Variants in NCALD observed in about 807,000 individuals in gnomAD.
NCALD encodes neurocalcin delta, also known as neurocalcin-delta.
In NCALD, 10 loss-of-function variants were observed where a neutral mutation model predicts 18.6. The ratio of observed to expected loss-of-function variants is 0.54; its 90% CI spans 0.33 to 0.91. The LOEUF (loss-of-function observed/expected upper bound fraction) is 0.91, where lower values mean the gene tolerates loss of function less well. Ranked by LOEUF, NCALD falls within the 40% of genes least tolerant of loss-of-function variation. The pLI is 0.03. For synonymous variants in NCALD, 88 were observed against 87.4 expected, an observed-to-expected ratio of 1.01 and a Z score of -0.04; for missense variants, 184 against 247.6, an observed-to-expected ratio of 0.74 and a Z score of 1.72.
chr8:102,099,896 C>A lies in NCALD; in HGVS notation c.-210+24341G>T, dbSNP rs1248545207. On this transcript the variant is annotated intron_variant, in intron 1 of 6. Coordinates refer to the NCALD transcript ENST00000311028. The stretch of plus-strand genomic sequence containing the variant: ...CTGAGACAGGAGAATCACTTGAACC[C>A]GGGAGACAGAGGTTGCAGTGAGCTG... 2.6e-5 allele frequency among the ~76,000 whole-genome samples: 4 copies of A among 151,306 alleles called. 1 individual carries two copies. The highest frequency in any genetic ancestry group is 2.6e-4 in the Admixed American group (4 of 15,196).
At chr8:101,708,652 T>C (rs1181918869) in intron 2 of NCALD, among the ~76,000 whole-genome samples, 1 of 151,646 alleles carries the variant, frequency 6.6e-6, no homozygotes, top group Non-Finnish European at 1.5e-5. Flanking sequence ...TTAGCTGCAA[T>C]CCACAAATCC....
At chr8:101,807,486 T>C (rs971080910) in intron 4 of NCALD, among the ~76,000 whole-genome samples, 2 of 152,096 alleles carry the variant, frequency 1.3e-5, no homozygotes, top group African/African-American at 2.4e-5. Flanking sequence ...TGCAGAAACA[T>C]AGACCAGAAA....
At chr8:102,124,306 C>T in exon 1 of NCALD, 1 of 151,676 alleles carries the variant, frequency 6.6e-6, no homozygotes, top group East Asian at 2.0e-4. Flanking sequence ...CGCCTTCCCT[C>T]CGCCCGCCTC....
chr8:102,006,507 T>C (rs961019526), intron 2 of NCALD, among the ~76,000 whole-genome samples: 1 of 152,162 alleles, frequency 6.6e-6, no homozygotes, highest in African/African-American at 2.4e-5. Context: ...CACCTTTCTC[T>C]CCCCTCTCTG....
chr8:102,022,809 C>T (rs1229110276), intron 1 of NCALD, among the ~76,000 whole-genome samples: 2 of 152,116 alleles, frequency 1.3e-5, no homozygotes, highest in East Asian at 3.9e-4. Flanking sequence ...ACTGTGTAGT[C>T]ATTGTGGTTC....
At chr8:101,890,410 T>C (rs934533725) in intron 3 of NCALD, among the ~76,000 whole-genome samples, 9 of 152,210 alleles carry the variant, frequency 5.9e-5, no homozygotes, top group African/African-American at 2.2e-4. Flanking sequence ...CCTATGTATA[T>C]TCTCTAGTGC....
chr8:101,971,275 G>T lies in NCALD; in HGVS notation c.-157+48962C>A, dbSNP rs186176845. ...GTCTTCAGCTTGACTCCTCCTGTCT[G>T]CAGCATCATTCCTTCTCTCAGACAG... On this transcript the variant is annotated intron_variant, in intron 2 of 6. Transcript: ENST00000311028. 2.0e-4 allele frequency among the ~76,000 whole-genome samples: 30 copies of T among 152,170 alleles called. No individual in the cohort carries two copies. In the Middle Eastern group the frequency reaches 0.014, roughly 69 times the overall value.
chr8:102,010,605 G>A (rs1821872350), intron 2 of NCALD, among the ~76,000 whole-genome samples: 1 of 152,160 alleles, frequency 6.6e-6, no homozygotes, highest in Non-Finnish European at 1.5e-5. Context: ...GTTCATTTGG[G>A]CCTTCAAATA....
intron 2 of NCALD, among the ~76,000 whole-genome samples, chr8:102,008,893 C>A (rs1821802535): frequency 6.9e-6 from 1 of 144,794 alleles, no homozygotes. Flanking sequence ...CCAGCTACCA[C>A]CCCCACCTCC....
chr8:101,723,267 A>G (rs184384235), intron 1 of NCALD, among the ~76,000 whole-genome samples: 2 of 152,278 alleles, frequency 1.3e-5, no homozygotes, highest in African/African-American at 4.8e-5. Flanking sequence ...TTTTTTCTCT[A>G]TTAAGTTAAT....
intron 2 of NCALD, among the ~76,000 whole-genome samples, chr8:101,955,333 A>T (rs1369017210): frequency 1.3e-5 from 2 of 152,200 alleles, no homozygotes; most frequent in African/African-American, 4.8e-5. Flanking sequence ...GAGAGGGCAA[A>T]TGTGAATATA....
chr8:101,850,275 A>G (rs909196245), intron 4 of NCALD, among the ~76,000 whole-genome samples: 3 of 152,124 alleles, frequency 2.0e-5, no homozygotes, highest in Non-Finnish European at 4.4e-5. Context: ...CAGAACCCAG[A>G]TGACTCTTGT....
At chr8:101,980,372 T>C (rs1820574271) in intron 2 of NCALD, among the ~76,000 whole-genome samples, 1 of 152,172 alleles carries the variant, frequency 6.6e-6, no homozygotes. Flanking sequence ...AGAAGAACTA[T>C]GTCACAGTTA....
intron 1 of NCALD, among the ~76,000 whole-genome samples, chr8:102,116,424 T>A (rs146854357): frequency 2.0e-5 from 3 of 152,168 alleles, no homozygotes. Flanking sequence ...TGAATGGTGG[T>A]GACCCCCAAA....
intron 4 of NCALD, among the ~76,000 whole-genome samples, chr8:101,813,589 CACAT>C (rs1813389188): frequency 1.3e-5 from 2 of 152,086 alleles, no homozygotes. Context: ...CTAAAGGTAA[CACAT>C]ACTCATTATA....
At chr8:102,022,029 T>G (rs1451429678) in intron 1 of NCALD, among the ~76,000 whole-genome samples, 1 of 152,146 alleles carries the variant, frequency 6.6e-6, no homozygotes, top group Non-Finnish European at 1.5e-5. Context: ...AGAAAAGAGA[T>G]GATACACTCA....
At chr8:102,039,275 A>C (rs10098517) in intron 1 of NCALD, among the ~76,000 whole-genome samples, 1 of 151,964 alleles carries the variant, frequency 6.6e-6, no homozygotes, top group African/African-American at 2.4e-5. Context: ...CCAAAGCCCC[A>C]AAATTGTGGT....
intron 2 of NCALD, among the ~76,000 whole-genome samples, chr8:101,703,215 A>G (rs986065217): frequency 4.6e-5 from 7 of 150,742 alleles, no homozygotes; most frequent in African/African-American, 1.7e-4. Flanking sequence ...TTGTCTTCCC[A>G]GTGGTTTCTA....
At chr8:101,929,163 A>G (rs1818446426) in intron 2 of NCALD, among the ~76,000 whole-genome samples, 1 of 149,768 alleles carries the variant, frequency 6.7e-6, no homozygotes, top group Non-Finnish European at 1.5e-5. Context: ...GAGAATGTGA[A>G]CAGGAGCAAG....
Sources: gnomAD v4.1 joint callset for allele counts (sites outside exome capture counted in the v4.1 genomes callset) on GRCh38, gnomAD v4.1.1 for gene constraint, MANE v1.5 for transcripts, NCBI Gene and HGNC (gene_info 2026-07-23, HGNC 2026-07-21) for gene names.